TTC34: variants seen among roughly 807,000 people sequenced by gnomAD.
The protein encoded by TTC34 is tetratricopeptide repeat domain 34, also known as tetratricopeptide repeat protein 34.
In TTC34, 44 loss-of-function variants were observed where a neutral mutation model predicts 40.7. The ratio of observed to expected loss-of-function variants is 1.08; its 90% CI spans 0.85 to 1.39. The LOEUF is 1.39. TTC34 is among the 40% of genes most tolerant of loss of function. TTC34 has a pLI of 0.00. For synonymous variants in TTC34, 422 were observed against 398.6 expected, an observed-to-expected ratio of 1.06 and a Z score of -0.70; for missense variants, 884 against 838.0, an observed-to-expected ratio of 1.05 and a Z score of -0.68.
intron 6 of TTC34, among the ~76,000 whole-genome samples, chr1:2,687,885 AT>A (rs1640437658): frequency 6.6e-6 from 1 of 150,822 alleles, no homozygotes; most frequent in African/African-American, 2.5e-5. Context: ...CAGAACCCAC[AT>A]CCCCAGGTGA....
chr1:2,795,228 G>A (rs1643700661), intron 2 of TTC34, among the ~76,000 whole-genome samples: 1 of 152,166 alleles, frequency 6.6e-6, no homozygotes, highest in African/African-American at 2.4e-5. Context: ...CAGCCTGGGA[G>A]ACAGAGCAAG....
intron 6 of TTC34, among the ~76,000 whole-genome samples, chr1:2,683,910 A>G (rs1299180203): frequency 6.8e-6 from 1 of 147,608 alleles, no homozygotes; most frequent in Non-Finnish European, 1.5e-5. Flanking sequence ...GTCGGCACCC[A>G]CACCTCCAGG....
At chr1:2,758,318 C>G (rs1287124863) in intron 6 of TTC34, among the ~76,000 whole-genome samples, 13 of 63,424 alleles carry the variant, frequency 2.0e-4, no homozygotes, top group East Asian at 1.0e-3. Context: ...CCCATACGCC[C>G]AGATGAGCAT....
At chr1:2,692,458 C>A (rs368851466) in intron 6 of TTC34, among the ~76,000 whole-genome samples, 6 of 132,934 alleles carry the variant, frequency 4.5e-5, no homozygotes, top group Admixed American at 1.5e-4. Flanking sequence ...GGAGCAGCAC[C>A]CACACCCCCA....
At chr1:2,650,465 C>T (rs1269008429) in intron 6 of TTC34, among the ~76,000 whole-genome samples, 1 of 151,190 alleles carries the variant, frequency 6.6e-6, no homozygotes, top group African/African-American at 2.4e-5. Context: ...TCTCCAACCC[C>T]AGGTGAGCTT....
At chr1:2,786,553 G>A (rs1248881595) in intron 4 of TTC34, among the ~76,000 whole-genome samples, 1 of 152,172 alleles carries the variant, frequency 6.6e-6, no homozygotes, top group Non-Finnish European at 1.5e-5. Context: ...CAGGGTTCCC[G>A]AGCCTAGGAC....
At chr1:2,768,551 C>T (rs1487902982) in intron 6 of TTC34, among the ~76,000 whole-genome samples, 1 of 151,672 alleles carries the variant, frequency 6.6e-6, no homozygotes, top group South Asian at 2.1e-4. Context: ...TGCAGGTGAG[C>T]ATCTGATAGC....
intron 6 of TTC34, among the ~76,000 whole-genome samples, chr1:2,753,320 G>A (rs1641388872): frequency 7.9e-6 from 1 of 126,676 alleles, no homozygotes; most frequent in Non-Finnish European, 1.6e-5. Context: ...CCGACAGCCT[G>A]GAGCATCACC....
chr1:2,681,907 A>C (rs1416751679), intron 6 of TTC34, among the ~76,000 whole-genome samples: 7 of 46,230 alleles, frequency 1.5e-4, no homozygotes, highest in Non-Finnish European at 2.5e-4. Flanking sequence ...AGCCTGCACC[A>C]CCAGGTGCGC....
intron 5 of TTC34, among the ~76,000 whole-genome samples, chr1:2,784,533 T>C (rs1034303690): frequency 2.0e-5 from 3 of 152,082 alleles, no homozygotes; most frequent in African/African-American, 4.8e-5. Flanking sequence ...CCTTTCCCGG[T>C]CTGCTCAGTA....
chr1:2,759,641 C>T (rs1385972615), intron 6 of TTC34, among the ~76,000 whole-genome samples: 7,107 of 54,318 alleles, frequency 0.13, no homozygotes, highest in Admixed American at 0.2. Flanking sequence ...ACCCACACCC[C>T]CAGGTGAGCA....
intron 3 of TTC34, 96 bp downstream of exon 3, chr1:2,789,407 T>A: frequency 7.9e-7 from 1 of 1,261,018 alleles, no homozygotes; most frequent in Non-Finnish European, 1.1e-6. Context: ...CTGCCTCCGT[T>A]CATTCCTTTG....
intron 6 of TTC34, among the ~76,000 whole-genome samples, chr1:2,768,180 C>T (rs1056087159): frequency 1.3e-5 from 2 of 151,868 alleles, no homozygotes; most frequent in Non-Finnish European, 2.9e-5. Flanking sequence ...AGGTGAGCAT[C>T]TGACAGCCTG....
intron 6 of TTC34, among the ~76,000 whole-genome samples, chr1:2,751,077 C>G (rs1484817652): frequency 0.67 from 38,221 of 56,870 alleles, 13,487 homozygotes; most frequent in African/African-American, 0.84. Flanking sequence ...GACTGGAACA[C>G]CTCCCACATG....
intron 1 of TTC34, among the ~76,000 whole-genome samples, chr1:2,801,316 C>A (rs904218294): frequency 7.9e-5 from 12 of 152,072 alleles, no homozygotes; most frequent in African/African-American, 2.9e-4. Context: ...GGACCACACC[C>A]CTGCCCACCC....
chr1:2,672,232 CCA>C (rs1639725583), intron 6 of TTC34, among the ~76,000 whole-genome samples: 1 of 150,216 alleles, frequency 6.7e-6, no homozygotes, highest in East Asian at 2.0e-4. Context: ...CACCCCACAC[CCA>C]CAGGTGAGCA....
At chr1:2,769,595 G>A (rs1285049578) in intron 6 of TTC34, among the ~76,000 whole-genome samples, 10 of 113,182 alleles carry the variant, frequency 8.8e-5, no homozygotes, top group Non-Finnish European at 1.2e-4. Context: ...CACACCTCCA[G>A]GGGGAGCATC....
chr1:2,768,367 C>T (rs1478082946), intron 6 of TTC34, among the ~76,000 whole-genome samples: 95 of 151,982 alleles, frequency 6.3e-4, no homozygotes, highest in African/African-American at 2.2e-3. Flanking sequence ...GCGTGGAAAA[C>T]CATGCCCACC....
chr1:2,692,445 C>T (rs1160935996), intron 6 of TTC34, among the ~76,000 whole-genome samples: 1 of 101,152 alleles, frequency 9.9e-6, no homozygotes, highest in Non-Finnish European at 2.2e-5. Flanking sequence ...CATCTGACTG[C>T]CTGGAGCAGC....
Sources: allele counts gnomAD v4.1 joint callset (sites outside exome capture counted in the v4.1 genomes callset), GRCh38; gene constraint gnomAD v4.1.1; transcripts MANE v1.5; gene names NCBI Gene and HGNC (gene_info 2026-07-23, HGNC 2026-07-21).